The following UBE2E2 variants were observed in gnomAD, a reference collection of about 807,000 sequenced individuals.
UBE2E2 encodes ubiquitin conjugating enzyme E2 E2, also known as ubiquitin-conjugating enzyme E2 E2.
In UBE2E2, 6 loss-of-function variants were observed where a neutral mutation model predicts 24.7. The ratio of observed to expected loss-of-function variants is 0.24; its 90% confidence interval spans 0.13 to 0.48. UBE2E2 has a LOEUF of 0.48. Among genes scored for constraint, UBE2E2 ranks in the 20% least tolerant of loss-of-function variants. The pLI is 0.99. For synonymous variants in UBE2E2, 104 were observed against 83.6 expected (o/e 1.24, Z -1.33); for missense variants, 169 against 245.0 (o/e 0.69, Z 2.07).
At chr3:23,546,628 C>A (rs533418728) in intron 5 of UBE2E2, among the ~76,000 whole-genome samples, 1 of 151,690 alleles carries the variant, frequency 6.6e-6, no homozygotes, top group South Asian at 2.1e-4. Context: ...CATGCACCAC[C>A]ACGCCTGGCT....
intron 2 of UBE2E2, among the ~76,000 whole-genome samples, chr3:23,213,174 A>G (rs1230620279): frequency 6.6e-6 from 1 of 152,156 alleles, no homozygotes; most frequent in African/African-American, 2.4e-5. Context: ...GCGTATCCAC[A>G]CATTCATGTT....
At chr3:23,439,173 CAT>C (rs899533102) in intron 3 of UBE2E2, among the ~76,000 whole-genome samples, 21 of 152,164 alleles carry the variant, frequency 1.4e-4, no homozygotes, top group African/African-American at 5.1e-4. Flanking sequence ...TTGCTTTTAA[CAT>C]GTGATTTTTA....
chr3:23,497,672 G>A (rs1006467188), intron 3 of UBE2E2, among the ~76,000 whole-genome samples: 1 of 152,090 alleles, frequency 6.6e-6, no homozygotes, highest in Non-Finnish European at 1.5e-5. Flanking sequence ...TGTATATTTT[G>A]TGCACTCATG....
At chr3:23,405,068 T>A (rs963947214) in intron 3 of UBE2E2, among the ~76,000 whole-genome samples, 2 of 152,246 alleles carry the variant, frequency 1.3e-5, no homozygotes, top group Non-Finnish European at 2.9e-5. Context: ...GCTGCTGCTG[T>A]AATCAGTGAA....
At chr3:23,373,903 A>C (rs1696457021) in intron 3 of UBE2E2, among the ~76,000 whole-genome samples, 1 of 152,208 alleles carries the variant, frequency 6.6e-6, no homozygotes, top group Non-Finnish European at 1.5e-5. Flanking sequence ...CATTAAGTAA[A>C]GTTAAAATGA....
In UBE2E2 at chr3:23,474,180, A is replaced by G. The variant is rs530416634; in HGVS notation, c.228-25428A>G. On this transcript the variant is annotated intron_variant, in intron 3 of 5. Transcript: ENST00000396703. The surrounding 1 kb of genome is among the most constrained non-coding windows in gnomAD (Gnocchi z 4.0). Reference sequence around the variant, plus strand: ...TTTCATATGTTTGTTGGCCATTTTTATATCTTCTTTTGAGAATTGTCTATT... The same window carrying G: ...TTTCATATGTTTGTTGGCCATTTTTGTATCTTCTTTTGAGAATTGTCTATT... Among the ~76,000 whole-genome samples the G allele has an allele frequency of 1.3e-5, 2 of 151,972 alleles. No homozygotes were observed. The highest frequency in any genetic ancestry group is 1.9e-4 in the East Asian group (1 of 5,176).
rs781495352 is a variant in UBE2E2 at position 23,583,797 on chromosome 3, A to T, written c.509-5937A>T. ...TGACACTTTGCTGAAGTTGTTTATC[A>T]GGTCAGGGAGCTTTGGGGCAGAGAC... is the stretch of plus-strand genomic sequence containing the variant. On this transcript the variant is annotated intron_variant, in intron 5 of 5. Coordinates refer to ENST00000396703, the MANE Select transcript of UBE2E2 (RefSeq NM_152653.4). The surrounding 1 kb of genome is among the most constrained non-coding windows in gnomAD (Gnocchi z 4.1). Among the ~76,000 whole-genome samples, 1 of 152,196 alleles carries T rather than the reference A, an allele frequency of 6.6e-6. No homozygotes were observed. The highest frequency in any genetic ancestry group is 1.5e-5 in the Non-Finnish European group (1 of 68,040).
At chr3:23,369,036 A>G (rs555365781) in intron 3 of UBE2E2, among the ~76,000 whole-genome samples, 1 of 152,302 alleles carries the variant, frequency 6.6e-6, no homozygotes, top group Middle Eastern at 3.4e-3. Flanking sequence ...ACTGTTTTTT[A>G]TAGCTGCAGA....
At chr3:23,395,814 G>A (rs1157605279) in intron 3 of UBE2E2, among the ~76,000 whole-genome samples, 1 of 152,096 alleles carries the variant, frequency 6.6e-6, no homozygotes, top group Non-Finnish European at 1.5e-5. Flanking sequence ...ATAAGCAGGT[G>A]TGTGATGATT....
chr3:23,423,469 G>A (rs1559379480), intron 3 of UBE2E2, among the ~76,000 whole-genome samples: 1 of 152,072 alleles, frequency 6.6e-6, no homozygotes, highest in African/African-American at 2.4e-5. Flanking sequence ...AAGTATGTCT[G>A]TTTCTCTCAT....
chr3:23,212,234 TAGG>T (rs1240763292), intron 2 of UBE2E2, among the ~76,000 whole-genome samples: 1 of 152,190 alleles, frequency 6.6e-6, no homozygotes, highest in Non-Finnish European at 1.5e-5. Context: ...GTCTCAGAGT[TAGG>T]AGGAAAGATT....
intron 5 of UBE2E2, among the ~76,000 whole-genome samples, chr3:23,545,657 C>T (rs1238216331): frequency 6.6e-6 from 1 of 152,188 alleles, no homozygotes; most frequent in African/African-American, 2.4e-5. Context: ...AATCCTACTA[C>T]TGGGTATCTA....
intron 5 of UBE2E2, among the ~76,000 whole-genome samples, chr3:23,582,860 A>AGTGTGT (rs58053821): frequency 0.15 from 16,975 of 116,670 alleles, 1,062 homozygotes; most frequent in South Asian, 0.22. Context: ...TATTCTGTTG[A>AGTGTGT]GTGTGTGTGT....
At chr3:23,403,914 G>A (rs941755484) in intron 3 of UBE2E2, among the ~76,000 whole-genome samples, 1 of 151,692 alleles carries the variant, frequency 6.6e-6, no homozygotes, top group African/African-American at 2.4e-5. Context: ...AATTAACCAT[G>A]TCAGTAACGA....
intron 3 of UBE2E2, among the ~76,000 whole-genome samples, chr3:23,282,473 C>T (rs6790327): frequency 0.84 from 128,018 of 152,160 alleles, 53,972 homozygotes; most frequent in African/African-American, 0.9. Context: ...ATTCTTGTGT[C>T]GGTAGCTGAT....
chr3:23,499,888 A>G (rs1699683007), intron 4 of UBE2E2, 148 bp downstream of exon 4: 2 of 1,023,580 alleles, frequency 2.0e-6, no homozygotes, highest in Non-Finnish European at 1.3e-6. Flanking sequence ...AAATGAAACA[A>G]TGTAAAAAAT....
In UBE2E2 at chr3:23,522,165, C is replaced by A. The variant is rs1052689806; in HGVS notation, c.361-10389C>A. On this transcript the variant is annotated intron_variant, in intron 4 of 5. Transcript: ENST00000396703. ...TTTTTTTTTGAGGCAGAGTCTCGCT[C>A]TGTTGCCCAGGCTGGAGTGCAGTGG... is the stretch of plus-strand genomic sequence containing the variant. Among the ~76,000 whole-genome samples the A allele has an allele frequency of 7.2e-5, 10 of 138,204 alleles. No homozygotes were observed. In the South Asian group the frequency reaches 1.6e-3, roughly 22 times the overall value. 90.7% of individuals were successfully genotyped at this position (138,204 alleles called of 152,430 possible). A position where few individuals can be genotyped will look rare whatever the true frequency, so the allele number is the denominator to read the frequency against.
At chr3:23,234,884 G>A (rs1387894644) in intron 3 of UBE2E2, among the ~76,000 whole-genome samples, 1 of 152,124 alleles carries the variant, frequency 6.6e-6, no homozygotes, top group Admixed American at 6.6e-5. Context: ...GGTATTGGGG[G>A]CCTGGGAAAT....
chr3:23,395,083 A>G (rs1023502286), intron 3 of UBE2E2, among the ~76,000 whole-genome samples: 26 of 152,324 alleles, frequency 1.7e-4, no homozygotes, highest in Non-Finnish European at 7.3e-5. Context: ...GAAGCCCATA[A>G]GAAGCCTGAG....
Sources: gnomAD v4.1 joint callset for allele counts (sites outside exome capture counted in the v4.1 genomes callset) on GRCh38, gnomAD v4.1.1 for gene constraint, Gnocchi (gnomAD v3.1) non-coding constraint, MANE v1.5 for transcripts, NCBI Gene and HGNC (gene_info 2026-07-23, HGNC 2026-07-21) for gene names.